Variants in MALRD1 observed in about 807,000 individuals in gnomAD.
The protein encoded by MALRD1 is MAM and LDL receptor class A domain containing 1.
In MALRD1, 247 loss-of-function variants were observed where a neutral mutation model predicts 242.1. The observed-to-expected ratio is 1.02, with a 90% CI of 0.92 to 1.13. The LOEUF (loss-of-function observed/expected upper bound fraction) is 1.13, where lower values mean the gene tolerates loss of function less well. Ranked by LOEUF, MALRD1 falls within the 50% of genes most tolerant of loss-of-function variation. The pLI is 0.00. For missense variants in MALRD1, 2,989 were observed against 2,533.1 expected, an observed-to-expected ratio of 1.18 and a Z score of -3.86; for synonymous variants, 995 against 866.6, an observed-to-expected ratio of 1.15 and a Z score of -2.60.
chr10:19,248,403 AT>A (rs144016441), intron 18 of MALRD1, among the ~76,000 whole-genome samples: 19,970 of 150,846 alleles, frequency 0.13, 1,575 homozygotes, highest in Admixed American at 0.26. Flanking sequence ...AAAAAAAAAA[AT>A]AAAGTGTGAC....
intron 1 of MALRD1, among the ~76,000 whole-genome samples, chr10:19,060,546 C>A (rs1834794019): frequency 3.3e-5 from 5 of 152,146 alleles, no homozygotes; most frequent in Admixed American, 3.3e-4. Context: ...GGGATGGGAT[C>A]TTCTCACTCT....
At chr10:19,577,927 G>C (rs1020966804) in intron 33 of MALRD1, among the ~76,000 whole-genome samples, 3 of 152,110 alleles carry the variant, frequency 2.0e-5, no homozygotes, top group African/African-American at 7.2e-5. Context: ...AAGTATGTCA[G>C]AGAGGTTCTG....
At chr10:19,734,106 T>C in intron 39 of MALRD1, 51 bp from the exon 40 acceptor site, 2 of 1,406,992 alleles carry the variant, frequency 1.4e-6, no homozygotes, top group Admixed American at 2.1e-5. Flanking sequence ...AAGAGTTTTC[T>C]TATCTTAATG....
At chr10:19,366,008 AC>A (rs751893481) in intron 26 of MALRD1, among the ~76,000 whole-genome samples, 1 of 151,926 alleles carries the variant, frequency 6.6e-6, no homozygotes, top group East Asian at 1.9e-4. Flanking sequence ...GCGATCCACA[AC>A]CTTTTTGGCA....
At chr10:19,139,062 T>C (rs1306385392) in intron 10 of MALRD1, among the ~76,000 whole-genome samples, 17 of 152,208 alleles carry the variant, frequency 1.1e-4, no homozygotes, top group Admixed American at 1.1e-3. Flanking sequence ...ATAGGGAATA[T>C]GTCATAAAAA....
chr10:19,232,063 G>A (rs1838103556), intron 18 of MALRD1, among the ~76,000 whole-genome samples: 2 of 152,188 alleles, frequency 1.3e-5, no homozygotes, highest in Middle Eastern at 3.4e-3. Context: ...GGGAAGTAGG[G>A]TGAGGGACAT....
In MALRD1 at chr10:19,331,419, GGAT is replaced by G; in HGVS notation, c.3742_3744del (p.Asp1248del). 6.4e-7 allele frequency: 1 copy of G among 1,550,468 alleles called. No individual in the cohort carries two copies. Among genetic ancestry groups the G allele is most frequent in the Non-Finnish European group, 8.7e-7 (1 of 1,146,872 alleles). ...TCAGTTACATAGGAGATGTAGCAGT[GGAT>G]GATATTTCCTTCCAAGATTGCTCCC... On this transcript the variant is annotated inframe_deletion, in exon 24 of 40. Transcript: ENST00000454679.
chr10:19,237,089 ATAGT>A (rs1288432114), intron 18 of MALRD1, among the ~76,000 whole-genome samples: 27 of 152,048 alleles, frequency 1.8e-4, no homozygotes, highest in African/African-American at 6.0e-4. Flanking sequence ...TCCAATAAGG[ATAGT>A]TAGTGTATTA....
intron 24 of MALRD1, among the ~76,000 whole-genome samples, chr10:19,339,137 C>T (rs1368925688): frequency 6.6e-6 from 1 of 151,982 alleles, no homozygotes; most frequent in Non-Finnish European, 1.5e-5. Flanking sequence ...CAGCTCTACA[C>T]TTAGTTTGGA....
intron 31 of MALRD1, among the ~76,000 whole-genome samples, chr10:19,521,486 A>C (rs3936916): frequency 0.079 from 12,070 of 152,034 alleles, 571 homozygotes; most frequent in South Asian, 0.11. Context: ...TTCCTCATGC[A>C]CTTTGTGTCC....
intron 32 of MALRD1, among the ~76,000 whole-genome samples, chr10:19,565,156 G>A (rs2131453865): frequency 6.6e-6 from 1 of 152,198 alleles, no homozygotes; most frequent in South Asian, 2.1e-4. Context: ...TCAAATAATG[G>A]GGTAAGATGT....
At chr10:19,638,243 G>A (rs370611579) in intron 36 of MALRD1, among the ~76,000 whole-genome samples, 22 of 151,942 alleles carry the variant, frequency 1.4e-4, no homozygotes, top group East Asian at 9.6e-4. Context: ...ACATGCCAAA[G>A]GCTACTTTTT....
chr10:19,211,924 G>A (rs182307972), intron 18 of MALRD1, among the ~76,000 whole-genome samples: 1 of 152,124 alleles, frequency 6.6e-6, no homozygotes, highest in African/African-American at 2.4e-5. Context: ...GATTTTTCAC[G>A]ATCACTCATG....
In MALRD1 at chr10:19,165,744, A is replaced by T; in HGVS notation, c.1764A>T (p.Glu588Asp). The change falls in exon 13 of 40, where the codon GAA (glutamate) becomes GAT (aspartate). Residue 588 changes from glutamate (E) to aspartate (D), a missense_variant. Physicochemically the swap from Glu to Asp is conservative, Grantham distance 45. Transcript: ENST00000454679. ...AGGGCAAAATAATCAGATTCTCCGA[A>T]TCTCAGTGGAGCCACGCAAAAATTG... ...QKQGKIIRFS[E>D]SQWSHAKIDL... 4 of 1,231,476 alleles carry T rather than the reference A, an allele frequency of 3.2e-6. No homozygotes were observed. The South Asian group carries it at 1.2e-4, about 38-fold the overall frequency. The allele number at this position is 1,231,476 out of a possible 1,614,324, so 76.3% of individuals were successfully genotyped here.
At chr10:19,073,898 G>A (rs1219535875) in intron 2 of MALRD1, among the ~76,000 whole-genome samples, 1 of 152,110 alleles carries the variant, frequency 6.6e-6, no homozygotes, top group Non-Finnish European at 1.5e-5. Context: ...GACAAACTCT[G>A]ACTCCAGAAA....
At chr10:19,272,990 A>G (rs995624624) in intron 19 of MALRD1, among the ~76,000 whole-genome samples, 2 of 152,176 alleles carry the variant, frequency 1.3e-5, no homozygotes, top group African/African-American at 4.8e-5. Context: ...TGCAATAAAC[A>G]TATGTGTGCA....
intron 31 of MALRD1, among the ~76,000 whole-genome samples, chr10:19,502,321 C>T (rs753272033): frequency 6.6e-6 from 1 of 151,982 alleles, no homozygotes; most frequent in Non-Finnish European, 1.5e-5. Context: ...TTAAAGCCAT[C>T]GATAAGCCTT....
At chr10:19,370,011 A>G (rs550889578) in intron 26 of MALRD1, among the ~76,000 whole-genome samples, 3 of 151,998 alleles carry the variant, frequency 2.0e-5, no homozygotes, top group African/African-American at 7.2e-5. Flanking sequence ...ATTCTACTAT[A>G]TTTTCTTGGA....
At chr10:19,128,443 C>A in intron 8 of MALRD1, 56 bp downstream of exon 8, 2 of 1,158,890 alleles carry the variant, frequency 1.7e-6, no homozygotes, top group East Asian at 3.2e-5. Flanking sequence ...GTTTCTAACT[C>A]TTGGCAACTT....
Sources: gnomAD v4.1 joint callset for allele counts (sites outside exome capture counted in the v4.1 genomes callset) on GRCh38, gnomAD v4.1.1 for gene constraint, MANE v1.5 for transcripts, NCBI Gene and HGNC (gene_info 2026-07-23, HGNC 2026-07-21) for gene names.